Variants in ABR observed in about 807,000 individuals in gnomAD.
The protein encoded by ABR is active breakpoint cluster region-related protein.
A neutral mutation model predicts 107.2 loss-of-function variants in ABR; 35 were observed. That is an observed-to-expected ratio of 0.33 (90% CI 0.25 to 0.43). The LOEUF is 0.43. Ranked by LOEUF, ABR falls within the 20% of genes least tolerant of loss-of-function variation. The pLI is 1.00. For synonymous variants in ABR, 498 were observed against 462.0 expected (o/e 1.08, Z -1.00); for missense variants, 815 against 1,115.2 (o/e 0.73, Z 3.83).
At chr17:1,174,971 C>T (rs2041867387) in intron 1 of ABR, among the ~76,000 whole-genome samples, 1 of 152,134 alleles carries the variant, frequency 6.6e-6, no homozygotes, top group African/African-American at 2.4e-5. Flanking sequence ...CCTCCACCCC[C>T]ATTTTGGGCT....
At chr17:1,056,556 TTCCCAGCCCTGATCACAGC>T (rs1324850341) in intron 13 of ABR, among the ~76,000 whole-genome samples, 1 of 151,954 alleles carries the variant, frequency 6.6e-6, no homozygotes. Context: ...CTCCGGTCAG[TTCCCAGCCCTGATCACAGC>T]TCCCCACTGC....
chr17:1,192,966 T>A (rs1007715755), intron 1 of ABR, among the ~76,000 whole-genome samples: 2 of 152,178 alleles, frequency 1.3e-5, no homozygotes, highest in African/African-American at 4.8e-5. Context: ...GAGAATCCCT[T>A]GAACCCAGGA....
intron 1 of ABR, among the ~76,000 whole-genome samples, chr17:1,163,546 G>C (rs573166183): frequency 5.2e-4 from 73 of 140,154 alleles, no homozygotes; most frequent in African/African-American, 1.7e-3. Context: ...ATCCAGGTGG[G>C]ACCCTGGCAA....
intron 3 of ABR, among the ~76,000 whole-genome samples, chr17:1,098,203 G>A (rs962164704): frequency 6.6e-6 from 1 of 152,034 alleles, no homozygotes; most frequent in Non-Finnish European, 1.5e-5. Flanking sequence ...CTCCCGAGTG[G>A]CTGGGACTAC....
chr17:1,023,142 T>G (rs1377910164), intron 16 of ABR, among the ~76,000 whole-genome samples: 1 of 150,954 alleles, frequency 6.6e-6, no homozygotes, highest in African/African-American at 2.4e-5. Flanking sequence ...CGGCCCCACG[T>G]CCACTCCAGC....
chr17:1,072,740 G>A lies in ABR; in HGVS notation c.768C>T (p.His256=). 1 of 1,613,320 alleles carries A rather than the reference G, an allele frequency of 6.2e-7. No homozygotes were observed. Among genetic ancestry groups the A allele is most frequent in the South Asian group, 1.1e-5 (1 of 91,006 alleles). ...STLVLHDLLK[H]TPVDHPDYPL... ...GGTAGTCGGGGTGGTCCACAGGTGT[G>A]TGCTTCAGCAGGTCCTGGGAAGGGT... The change falls in exon 8 of 23, where the codon CAC becomes CAT. Residue 256 remains histidine (H), a synonymous_variant. Transcript: ENST00000302538.
At chr17:1,136,110 A>G (rs12945966) in intron 1 of ABR, among the ~76,000 whole-genome samples, 67,053 of 151,542 alleles carry the variant, frequency 0.44, 15,144 homozygotes, top group East Asian at 0.55. Flanking sequence ...GTCCTTTGAA[A>G]CTTCGAAGCC....
chr17:1,149,139 G>A (rs34249423), intron 1 of ABR, among the ~76,000 whole-genome samples: 48,094 of 151,870 alleles, frequency 0.32, 7,878 homozygotes, highest in Middle Eastern at 0.36. Context: ...TCCTGACCTC[G>A]TGGTCCACCC....
chr17:1,048,229 T>C (rs1158192287), intron 16 of ABR, among the ~76,000 whole-genome samples: 4 of 151,954 alleles, frequency 2.6e-5, no homozygotes, highest in Non-Finnish European at 5.9e-5. Flanking sequence ...TAGTGACGAG[T>C]ACTGAGAAGC....
chr17:1,055,728 C>A (rs994116865), intron 14 of ABR: 40 of 292,482 alleles, frequency 1.4e-4, no homozygotes, highest in African/African-American at 7.2e-4. Context: ...GGGGTTTCAC[C>A]ATGTTGGCCC....
intron 4 of ABR, chr17:1,083,872 C>CTA: frequency 2.2e-6 from 1 of 464,876 alleles, no homozygotes; most frequent in Non-Finnish European, 3.9e-6. Flanking sequence ...GGAGACCAGG[C>CTA]TAGGGCCTTT....
intron 9 of ABR, 117 bp downstream of exon 9, chr17:1,069,852 C>T (rs1277838339): frequency 7.2e-6 from 2 of 279,280 alleles, no homozygotes; most frequent in Non-Finnish European, 1.1e-5. Context: ...CGCCCCTGGA[C>T]TCGCACACTC....
chr17:1,119,684 C>T lies in ABR; in HGVS notation c.246+5499G>A, dbSNP rs118072842. Among the ~76,000 whole-genome samples the T allele has an allele frequency of 1.6e-3, 237 of 152,288 alleles. 3 individuals carry two copies. The East Asian group carries it at 0.037, about 23-fold the overall frequency. On this transcript the variant is annotated intron_variant, in intron 2 of 22. Transcript: ENST00000302538. ...TGATCAGGGATTAAGGTCCTGATCT[C>T]ACAGGGCGGATGCACCCCACAAGTG...
At chr17:1,158,772 A>C (rs1469457687) in intron 1 of ABR, among the ~76,000 whole-genome samples, 2 of 152,092 alleles carry the variant, frequency 1.3e-5, no homozygotes, top group Non-Finnish European at 2.9e-5. Flanking sequence ...TAAAAAAAAA[A>C]AAGGAATCAA....
chr17:1,139,054 T>C (rs971301567), intron 1 of ABR, among the ~76,000 whole-genome samples: 1 of 152,208 alleles, frequency 6.6e-6, no homozygotes, highest in Non-Finnish European at 1.5e-5. Context: ...TCCAGACATT[T>C]GTAAACACAG....
At chr17:1,008,060 A>G (rs1325376283) in intron 21 of ABR, among the ~76,000 whole-genome samples, 1 of 152,052 alleles carries the variant, frequency 6.6e-6, no homozygotes, top group Non-Finnish European at 1.5e-5. Flanking sequence ...GGTCTGCCTC[A>G]TGGGACCCAG....
At chr17:1,170,971 C>A (rs2041689102) in intron 1 of ABR, among the ~76,000 whole-genome samples, 1 of 152,096 alleles carries the variant, frequency 6.6e-6, no homozygotes, top group Admixed American at 6.5e-5. Context: ...GCTGACCCCA[C>A]AACTCCCAGA....
At chr17:1,028,886 C>T (rs2072466544) in intron 16 of ABR, among the ~76,000 whole-genome samples, 1 of 152,082 alleles carries the variant, frequency 6.6e-6, no homozygotes, top group East Asian at 1.9e-4. Flanking sequence ...GACCGGCCTC[C>T]CTTCAGGCCC....
At chr17:1,066,530 ACTTT>A (rs1754041359) in intron 10 of ABR, among the ~76,000 whole-genome samples, 1 of 144,562 alleles carries the variant, frequency 6.9e-6, no homozygotes, top group Admixed American at 6.9e-5. Context: ...CTCTACCTCC[ACTTT>A]TTTTTTTTGT....
Sources: gnomAD v4.1 joint callset for allele counts (sites outside exome capture counted in the v4.1 genomes callset) on GRCh38, gnomAD v4.1.1 for gene constraint, MANE v1.5 for transcripts, NCBI Gene and HGNC (gene_info 2026-07-23, HGNC 2026-07-21) for gene names.